The following DPY19L4 variants were observed in gnomAD, a reference collection of about 807,000 sequenced individuals.
DPY19L4 encodes the protein dpy-19 like 4, also known as probable C-mannosyltransferase DPY19L4.
DPY19L4 carries 97 observed loss-of-function variants against 102.8 expected under a neutral mutation model. The ratio of observed to expected loss-of-function variants is 0.94; its 90% CI spans 0.80 to 1.12. The LOEUF (loss-of-function observed/expected upper bound fraction) is 1.12, where lower values mean the gene tolerates loss of function less well. Ranked by LOEUF, DPY19L4 falls within the 50% of genes most tolerant of loss-of-function variation. The probability of loss-of-function intolerance (pLI) is 0.00; values close to 1 mark genes in which losing one functional copy is unlikely to be tolerated. For synonymous variants in DPY19L4, 252 were observed against 283.1 expected (o/e 0.89, Z 1.10); for missense variants, 815 against 850.4 (o/e 0.96, Z 0.52).
rs1334551788 is a variant in DPY19L4 at position 94,791,756 on chromosome 8, A to T, written c.*1846A>T. The T allele has an allele frequency of 6.6e-6, 1 of 152,064 alleles. No homozygotes were observed. Among genetic ancestry groups the T allele is most frequent in the African/African-American group, 2.4e-5 (1 of 41,416 alleles). 9.4% of individuals were successfully genotyped at this position (152,064 alleles called of 1,614,324 possible). A position where few individuals can be genotyped will look rare whatever the true frequency, so the allele number is the denominator to read the frequency against. On this transcript the variant is annotated 3_prime_UTR_variant, in exon 19 of 19. Coordinates refer to ENST00000414645, the MANE Select transcript of DPY19L4 (RefSeq NM_181787.3). ...TTACCTGTGCTGAATTAGGTTTGGT[A>T]CTTGTGTTTTGTTTGACATATTAGT...
chr8:94,777,908 A>T, intron 14 of DPY19L4, 122 bp downstream of exon 14: 1 of 1,215,036 alleles, frequency 8.2e-7, no homozygotes, highest in South Asian at 1.6e-5. Context: ...TACAGGTAGA[A>T]AAACAGATCC....
chr8:94,726,000 G>T (rs1167334914), intron 1 of DPY19L4, among the ~76,000 whole-genome samples: 3 of 152,178 alleles, frequency 2.0e-5, no homozygotes, highest in African/African-American at 7.2e-5. Flanking sequence ...AAGGTAACTA[G>T]AATTATGAGG....
intron 2 of DPY19L4, among the ~76,000 whole-genome samples, chr8:94,727,926 T>C (rs779364968): frequency 2.6e-4 from 39 of 152,156 alleles, no homozygotes; most frequent in Non-Finnish European, 4.4e-4. Flanking sequence ...CAAGAGAGCC[T>C]ACCTTGCAAG....
At chr8:94,760,152 A>G (rs191247456) in intron 7 of DPY19L4, among the ~76,000 whole-genome samples, 2 of 152,290 alleles carry the variant, frequency 1.3e-5, no homozygotes, top group East Asian at 3.9e-4. Flanking sequence ...TCTTTAAGAC[A>G]TTTTTACTGT....
intron 12 of DPY19L4, among the ~76,000 whole-genome samples, chr8:94,769,390 G>A (rs529510118): frequency 1.8e-4 from 27 of 152,020 alleles, no homozygotes; most frequent in African/African-American, 6.5e-4. Context: ...ATCTAAATAG[G>A]TAATGTCCAG....
At chr8:94,720,800 G>A (rs1176376733) in intron 1 of DPY19L4, among the ~76,000 whole-genome samples, 2 of 152,196 alleles carry the variant, frequency 1.3e-5, no homozygotes, top group African/African-American at 4.8e-5. Flanking sequence ...AATACTCATG[G>A]CATAGTAACT....
chr8:94,770,627 G>A, intron 13 of DPY19L4, 56 bp downstream of exon 13: 8 of 1,603,516 alleles, frequency 5.0e-6, no homozygotes, highest in Non-Finnish European at 6.8e-6. Flanking sequence ...GCTGAGTGCG[G>A]TGACTCACAC....
intron 6 of DPY19L4, chr8:94,744,586 A>G: frequency 2.2e-6 from 1 of 455,638 alleles, no homozygotes; most frequent in Non-Finnish European, 4.4e-6. Context: ...TACCACATTC[A>G]ATTAACTTTG....
rs140657897 is a variant in DPY19L4 at position 94,778,179 on chromosome 8, G to A, written c.1575+393G>A. ...GAACCCAGGAGGCAGAGGTTGCAGT[G>A]AGCCAAAATCTCACCACTGCACTAC... On this transcript the variant is annotated intron_variant, in intron 14 of 18. Transcript: ENST00000414645. Among the ~76,000 whole-genome samples the A allele has an allele frequency of 1.4e-3, 207 of 151,768 alleles. 1 individual carries two copies. The highest frequency in any genetic ancestry group is 2.7e-3 in the Non-Finnish European group (181 of 67,974).
At chr8:94,736,871 A>G (rs1451649142) in intron 3 of DPY19L4, among the ~76,000 whole-genome samples, 1 of 152,154 alleles carries the variant, frequency 6.6e-6, no homozygotes, top group African/African-American at 2.4e-5. Flanking sequence ...GACTTCTAAC[A>G]CTTCAAATAT....
intron 6 of DPY19L4, among the ~76,000 whole-genome samples, chr8:94,745,284 C>G (rs1811622076): frequency 6.6e-6 from 1 of 152,068 alleles, no homozygotes; most frequent in Non-Finnish European, 1.5e-5. Context: ...GACTTGCCAC[C>G]AAAATGGACT....
At chr8:94,723,378 T>C (rs971699362) in intron 1 of DPY19L4, among the ~76,000 whole-genome samples, 2 of 150,658 alleles carry the variant, frequency 1.3e-5, no homozygotes. Flanking sequence ...GAGGCTGAGG[T>C]AGGAGAATTG....
intron 4 of DPY19L4, 66 bp from the exon 5 acceptor site, chr8:94,739,347 C>A: frequency 6.9e-7 from 1 of 1,457,242 alleles, no homozygotes; most frequent in South Asian, 1.5e-5. Context: ...TATTTAAGGA[C>A]TAATGACATG....
chr8:94,752,255 G>A (rs1479895544), intron 6 of DPY19L4, among the ~76,000 whole-genome samples: 2 of 152,038 alleles, frequency 1.3e-5, no homozygotes, highest in Non-Finnish European at 2.9e-5. Context: ...GGTCATTCAA[G>A]TATTTTGTGA....
chr8:94,766,913 A>G (rs775407298), intron 11 of DPY19L4, among the ~76,000 whole-genome samples: 135 of 151,598 alleles, frequency 8.9e-4, no homozygotes, highest in African/African-American at 2.9e-3. Flanking sequence ...AACAAAAAAC[A>G]AAAAAAATTA....
intron 1 of DPY19L4, among the ~76,000 whole-genome samples, chr8:94,723,244 G>A (rs1009551935): frequency 1.3e-5 from 2 of 152,278 alleles, no homozygotes; most frequent in Middle Eastern, 3.4e-3. Flanking sequence ...AGGCCGAGGC[G>A]GGCAAATCAC....
intron 8 of DPY19L4, among the ~76,000 whole-genome samples, chr8:94,762,071 G>C (rs1812416433): frequency 6.6e-6 from 1 of 152,206 alleles, no homozygotes; most frequent in Admixed American, 6.5e-5. Flanking sequence ...CGCAACTGCA[G>C]AAAGCAGTTA....
chr8:94,750,997 T>C (rs1009418170), intron 6 of DPY19L4, among the ~76,000 whole-genome samples: 14 of 152,056 alleles, frequency 9.2e-5, no homozygotes, highest in African/African-American at 3.4e-4. Context: ...GCCAGGCTGG[T>C]CTCAAACTCC....
intron 13 of DPY19L4, 52 bp downstream of exon 13, chr8:94,770,623 T>G: frequency 6.2e-7 from 1 of 1,604,582 alleles, no homozygotes; most frequent in African/African-American, 1.3e-5. Flanking sequence ...GTTGGCTGAG[T>G]GCGGTGACTC....
Sources: gnomAD v4.1 joint callset for allele counts (sites outside exome capture counted in the v4.1 genomes callset) on GRCh38, gnomAD v4.1.1 for gene constraint, MANE v1.5 for transcripts, NCBI Gene and HGNC (gene_info 2026-07-23, HGNC 2026-07-21) for gene names.